The following GOLGA3 variants were observed in gnomAD, a reference collection of about 807,000 sequenced individuals.
GOLGA3 encodes the protein golgin A3.
A neutral mutation model predicts 169.4 loss-of-function variants in GOLGA3; 75 were observed. The observed-to-expected ratio is 0.44, with a 90% CI of 0.37 to 0.54. The LOEUF (loss-of-function observed/expected upper bound fraction) is 0.54, where lower values mean the gene tolerates loss of function less well. GOLGA3 is among the 20% of genes least tolerant of loss of function. The pLI is 0.00. For synonymous variants in GOLGA3, 824 were observed against 822.4 expected (o/e 1.00, Z -0.03); for missense variants, 1,899 against 1,930.0 (o/e 0.98, Z 0.30).
rs192539742 is a variant in GOLGA3 at position 132,789,014 on chromosome 12, G to C, written c.2811+13C>G. 1,793 of 1,248,670 alleles carry C rather than the reference G, an allele frequency of 1.4e-3. 1 individual carries two copies. The highest frequency in any genetic ancestry group is 1.7e-3 in the Non-Finnish European group (1,648 of 965,454). The allele number at this position is 1,248,670 out of a possible 1,614,324, so 77.3% of individuals were successfully genotyped here. On this transcript the variant is annotated intron_variant, in intron 13 of 23. Coordinates refer to ENST00000450791, the MANE Select transcript of GOLGA3 (RefSeq NM_001389683.1). ...TCCTCCCCATCAAATGAGTCAACCC[G>C]ACACGGACAGACCTGCAAGTGTGTT...
At chr12:132,794,320 C>A (rs1351971735) in intron 11 of GOLGA3, among the ~76,000 whole-genome samples, 2 of 150,184 alleles carry the variant, frequency 1.3e-5, no homozygotes, top group African/African-American at 2.5e-5. Flanking sequence ...CATGGCAAAA[C>A]CCCGTATCTA....
Position 132,801,777 on chromosome 12 carries a change from G to T in GOLGA3, c.1790C>A (p.Ala597Asp). ...AGATGTGGGCCGTACCTGGATGTGG[G>T]CCATCTCACCCTGCAGCCTGACGCG... ...EARVRLQGEM[A>D]HIQVGQMTQA... The change falls in exon 8 of 24, where the codon GCC becomes GAC. Residue 597 changes from alanine (A) to aspartate (D), a missense_variant. Ala to Asp is a moderately radical substitution (Grantham distance 126, BLOSUM62 -2). Coordinates refer to ENST00000450791, the MANE Select transcript of GOLGA3 (RefSeq NM_001389683.1). The T allele has an allele frequency of 6.2e-7, 1 of 1,612,010 alleles. No individual in the cohort carries two copies.
chr12:132,802,064 G>T (rs1949154786), intron 7 of GOLGA3, 95 bp from the exon 8 acceptor site: 2 of 936,664 alleles, frequency 2.1e-6, no homozygotes, highest in African/African-American at 1.6e-5. Context: ...GACTCTCAGG[G>T]GAGACCAAGA....
intron 16 of GOLGA3, 42 bp from the exon 17 acceptor site, chr12:132,782,535 G>A: frequency 6.8e-7 from 1 of 1,466,450 alleles, no homozygotes; most frequent in Non-Finnish European, 9.6e-7. Flanking sequence ...CTGCACTGGT[G>A]AGTGGAGTTC....
In GOLGA3 at chr12:132,808,358, A is replaced by T. The variant is rs1460834604; in HGVS notation, c.711T>A (p.Thr237=). 6.2e-7 allele frequency: 1 copy of T among 1,613,942 alleles called. No individual in the cohort carries two copies. Among genetic ancestry groups the T allele is most frequent in the South Asian group, 1.1e-5 (1 of 91,082 alleles). Residue 237 remains threonine, a synonymous_variant, in exon 5 of 24, where the codon ACT becomes ACA. Transcript: ENST00000450791. ...GLPAHPREKK[T]SKSSKIRSLA... ...GAGACCGGATTTTGCTTGATTTGGAAGTTTTTTTCTCCCTAGGATGTGCCG... is the reference window on the plus strand; with the variant it reads ...GAGACCGGATTTTGCTTGATTTGGATGTTTTTTTCTCCCTAGGATGTGCCG...
intron 2 of GOLGA3, 89 bp from the exon 3 acceptor site, chr12:132,816,901 G>C: frequency 8.5e-7 from 1 of 1,181,238 alleles, no homozygotes; most frequent in Non-Finnish European, 1.2e-6. Context: ...GGAGAGAAGA[G>C]GATCCAGACT....
chr12:132,816,554 T>A lies in GOLGA3; in HGVS notation c.392A>T (p.Gln131Leu), dbSNP rs756597208. The change falls in exon 3 of 24, where the codon CAA (glutamine) becomes CTA (leucine). Residue 131 changes from glutamine to leucine, a missense_variant. Gln to Leu is a moderately radical substitution (Grantham distance 113). Transcript: ENST00000450791. ...LQSLRLSLPM[Q>L]ETQLCSTDSP... ...CGGATGCTTACACAGTTGCGTTTCT[T>A]GCATAGGAAGACTGAGTCTGAGAGA... The A allele has an allele frequency of 6.2e-7, 1 of 1,612,986 alleles. No individual in the cohort carries two copies. Among genetic ancestry groups the A allele is most frequent in the East Asian group, 2.2e-5 (1 of 44,856 alleles).
At chr12:132,810,696 C>G (rs1462478988) in intron 4 of GOLGA3, among the ~76,000 whole-genome samples, 1 of 152,082 alleles carries the variant, frequency 6.6e-6, no homozygotes, top group Non-Finnish European at 1.5e-5. Context: ...GGGAAGACGC[C>G]CATTGCCAAG....
intron 2 of GOLGA3, among the ~76,000 whole-genome samples, chr12:132,821,363 C>T (rs1478201231): frequency 2.7e-5 from 4 of 150,328 alleles, no homozygotes; most frequent in African/African-American, 4.9e-5. Context: ...AACGAGATCT[C>T]GCCATTGCAC....
intron 21 of GOLGA3, among the ~76,000 whole-genome samples, chr12:132,775,607 T>G (rs1321155935): frequency 1.3e-5 from 2 of 152,242 alleles, no homozygotes; most frequent in African/African-American, 4.8e-5. Context: ...TTCTTGTTTT[T>G]TTTAGACACA....
intron 17 of GOLGA3, 37 bp from the exon 18 acceptor site, chr12:132,780,951 G>T: frequency 1.3e-6 from 2 of 1,486,296 alleles, no homozygotes; most frequent in Non-Finnish European, 1.9e-6. Flanking sequence ...AAGGAAGGAC[G>T]TCGAATTACA....
chr12:132,796,590 C>A lies in GOLGA3; in HGVS notation c.2049G>T (p.Arg683=). ...RLEEFEGERE[R]LQRMADSAAS... is the part of the protein sequence containing the mutation. Reference sequence around the variant, plus strand: ...CCGCCGAGTCCGCCATCCTCTGCAGCCGCTCCCTCTCACCTTCAAACTCTT... The same window carrying A: ...CCGCCGAGTCCGCCATCCTCTGCAGACGCTCCCTCTCACCTTCAAACTCTT... Residue 683 remains arginine, a synonymous_variant, in exon 10 of 24, where the codon CGG becomes CGT. Transcript: ENST00000450791. The A allele has an allele frequency of 6.2e-7, 1 of 1,613,800 alleles. No homozygotes were observed. Among genetic ancestry groups the A allele is most frequent in the Non-Finnish European group, 8.5e-7 (1 of 1,180,028 alleles).
rs2045151794 is a variant in GOLGA3, at chr12:132,775,149, C to G, written c.4135G>C (p.Ala1379Pro). The change falls in exon 22 of 24, where the codon GCC becomes CCC. Residue 1379 changes from alanine (A) to proline (P), a missense_variant. Physicochemically the swap from Ala to Pro is conservative, Grantham distance 27. Coordinates refer to ENST00000450791, the MANE Select transcript of GOLGA3 (RefSeq NM_001389683.1). ...QLKLDLRRGAAKTRKEPKGEA... is the reference protein window; with the variant it reads ...QLKLDLRRGAPKTRKEPKGEA... ...GACGCGGGCCTGAGTACCGTCTTGGCCGCGCCGCGGCGTAGGTCCAGCTTG... is the reference window on the plus strand; with the variant it reads ...GACGCGGGCCTGAGTACCGTCTTGGGCGCGCCGCGGCGTAGGTCCAGCTTG... 6.2e-7 allele frequency: 1 copy of G among 1,613,006 alleles called. No individual in the cohort carries two copies. The highest frequency in any genetic ancestry group is 8.5e-7 in the Non-Finnish European group (1 of 1,179,930).
intron 13 of GOLGA3, 110 bp downstream of exon 13, chr12:132,788,917 A>ACACAGGCCCCGCCC (rs2046070813): frequency 3.2e-6 from 1 of 311,174 alleles, no homozygotes; most frequent in Non-Finnish European, 5.3e-6. Flanking sequence ...CCCGACCCAG[A>ACACAGGCCCCGCCC]CAGACCCCGC....
At chr12:132,815,201 G>A (rs781419319) in intron 3 of GOLGA3, among the ~76,000 whole-genome samples, 2 of 152,200 alleles carry the variant, frequency 1.3e-5, no homozygotes, top group Non-Finnish European at 2.9e-5. Context: ...TGGCTAGACC[G>A]TAAGTGGCAA....
chr12:132,826,423 G>A (rs769347945), intron 1 of GOLGA3, among the ~76,000 whole-genome samples: 5 of 151,962 alleles, frequency 3.3e-5, no homozygotes, highest in Non-Finnish European at 5.9e-5. Context: ...CAGTGACGAC[G>A]CCTGGGCCTT....
rs543952173 is a variant in GOLGA3, at chr12:132,781,570, A to C, written c.3466-656T>G. Among the ~76,000 whole-genome samples, 61 of 152,256 alleles carry C rather than the reference A, an allele frequency of 4.0e-4. 1 individual carries two copies. The highest frequency in any genetic ancestry group is 1.1e-3 in the African/African-American group (47 of 41,550). The stretch of plus-strand genomic sequence containing the variant: ...GTATTACTAACAACAACAACAACAA[A>C]AAAATGGAACATGGTGGCTGGGAAC... On this transcript the variant is annotated intron_variant, in intron 17 of 23. Transcript: ENST00000450791.
Position 132,816,749 on chromosome 12 carries a change from A to G in GOLGA3, c.197T>C (p.Leu66Pro). 6.2e-7 allele frequency: 1 copy of G among 1,613,572 alleles called. No homozygotes were observed. The highest frequency in any genetic ancestry group is 1.1e-5 in the South Asian group (1 of 91,082). Residue 66 changes from leucine (L) to proline (P), a missense_variant, in exon 3 of 24, where the codon CTC becomes CCC. Leu to Pro is a moderately conservative substitution (Grantham distance 98). Coordinates refer to ENST00000450791, the MANE Select transcript of GOLGA3 (RefSeq NM_001389683.1). ...GGGTGGCGTTGGCCCGTTCTGACAG[A>G]GGCCTCCCTGGCCAGGTCCATCCGG... is the stretch of plus-strand genomic sequence containing the variant. ...ESPDGPGQGG[L>P]CQNGPTPPFP...
At chr12:132,827,403 T>C (rs1312827256) in intron 1 of GOLGA3, among the ~76,000 whole-genome samples, 9 of 152,250 alleles carry the variant, frequency 5.9e-5, no homozygotes, top group Non-Finnish European at 1.3e-4. Flanking sequence ...TGTGAGAGCC[T>C]GGGCTAAAGA....
Sources: gnomAD v4.1 joint callset for allele counts (sites outside exome capture counted in the v4.1 genomes callset) on GRCh38, gnomAD v4.1.1 for gene constraint, MANE v1.5 for transcripts, NCBI Gene and HGNC (gene_info 2026-07-23, HGNC 2026-07-21) for gene names.